REXO1: variants seen among roughly 807,000 people sequenced by gnomAD.
REXO1 encodes RNA exonuclease 1 homolog.
Under a neutral mutation model 102.6 loss-of-function variants are expected in REXO1, and 42 were observed. The ratio of observed to expected loss-of-function variants is 0.41; its 90% CI spans 0.32 to 0.53. The LOEUF (loss-of-function observed/expected upper bound fraction) is 0.53, where lower values mean the gene tolerates loss of function less well. Among genes scored for constraint, REXO1 ranks in the 20% least tolerant of loss-of-function variants. The pLI is 0.27. For missense variants in REXO1, 1,819 were observed against 1,732.5 expected (o/e 1.05, Z -0.89); for synonymous variants, 908 against 779.1 (o/e 1.17, Z -2.76).
chr19:1,832,355 C>G (rs899894446), intron 1 of REXO1, among the ~76,000 whole-genome samples: 1 of 152,188 alleles, frequency 6.6e-6, no homozygotes, highest in African/African-American at 2.4e-5. Context: ...CCCACGGGGA[C>G]GAATGCAGCC....
chr19:1,846,165 C>A (rs1256937442), intron 1 of REXO1, among the ~76,000 whole-genome samples: 1 of 152,200 alleles, frequency 6.6e-6, no homozygotes, highest in Non-Finnish European at 1.5e-5. Context: ...CTTGAGAAGA[C>A]ATGGCAAAGG....
At position 1,828,618 on chromosome 19, in the gene REXO1, G is replaced by A. The variant is rs573267718; in HGVS notation, c.171C>T (p.Asp57=). The change falls in exon 2 of 16, where the codon GAC becomes GAT. Residue 57 remains aspartate, a synonymous_variant. Transcript: ENST00000170168. ...EAPPAAGLGY[D]PYNPELPKPP... ...GCTTGGGCAGCTCAGGGTTGTAGGG[G>A]TCGTAACCCAGCCCTGAAGGGAACA... The A allele has an allele frequency of 6.9e-5, 110 of 1,599,996 alleles. No homozygotes were observed. In the South Asian group the frequency reaches 1.1e-3, roughly 16 times the overall value.
chr19:1,817,085 C>T, intron 12 of REXO1, 134 bp downstream of exon 12: 1 of 1,113,670 alleles, frequency 9.0e-7, no homozygotes, highest in Non-Finnish European at 1.3e-6. Context: ...GCAGGAGCCA[C>T]AGGCACCGGT....
At chr19:1,816,876 T>C (rs1417825287) in intron 12 of REXO1, 63 bp from the exon 13 acceptor site, 1 of 1,261,114 alleles carries the variant, frequency 7.9e-7, no homozygotes, top group South Asian at 1.2e-5. Flanking sequence ...TCCCCTTCCC[T>C]GCCCCTTTGA....
At chr19:1,823,319 C>T in intron 4 of REXO1, 1 of 390,484 alleles carries the variant, frequency 2.6e-6, no homozygotes, top group Non-Finnish European at 4.5e-6. Flanking sequence ...TCAGCCCAGT[C>T]CCCAGCAGGC....
At position 1,847,157 on chromosome 19, in the gene REXO1, T is replaced by C. The variant is rs559040109; in HGVS notation, c.157+1045A>G. Among the ~76,000 whole-genome samples the C allele has an allele frequency of 8.5e-5, 13 of 152,336 alleles. No individual in the cohort carries two copies. The South Asian group carries it at 2.7e-3, about 32-fold the overall frequency. On this transcript the variant is annotated intron_variant, in intron 1 of 15. Transcript: ENST00000170168. ...TGTGGGGAGCTGACAAGTGATTGCT[T>C]GCATCTGTCCACCTGCAAACAACCG...
At chr19:1,838,652 G>A (rs1208980300) in intron 1 of REXO1, among the ~76,000 whole-genome samples, 99 of 142,228 alleles carry the variant, frequency 7.0e-4, no homozygotes, top group African/African-American at 2.2e-3. Context: ...GTGACAGGGC[G>A]AGACTCCTTT....
rs2069561289 is a variant in REXO1 at position 1,822,065 on chromosome 19, CCT to C, written c.2231-385_2231-384del. 40 of 478,164 alleles carry C rather than the reference CCT, an allele frequency of 8.4e-5. No individual in the cohort carries two copies. In the South Asian group the frequency reaches 1.5e-3, roughly 18 times the overall value. 29.6% of individuals were successfully genotyped at this position (478,164 alleles called of 1,614,324 possible). Reference sequence around the variant, plus strand: ...TCATTGGCTTTGCCCTGCCCTGCGGCCTCTGTGTTCTGCCTTGCCCTTTGATG... The same window carrying C: ...TCATTGGCTTTGCCCTGCCCTGCGGCCTGTGTTCTGCCTTGCCCTTTGATG... On this transcript the variant is annotated intron_variant, in intron 4 of 15. Coordinates refer to ENST00000170168, the MANE Select transcript of REXO1 (RefSeq NM_020695.4).
rs1078229 is a variant in REXO1, at chr19:1,826,384, A to C, written c.1912-441T>G. On this transcript the variant is annotated intron_variant, in intron 2 of 15. Coordinates refer to ENST00000170168, the MANE Select transcript of REXO1 (RefSeq NM_020695.4). The surrounding 1 kb of genome is among the most constrained non-coding windows in gnomAD (Gnocchi z 4.3). Reference sequence around the variant, plus strand: ...AGCAAGAGCTCGCCACGCTGGGAGTAGGGAGGAGGGAGGGGAGGAGAAAGG... The same window carrying C: ...AGCAAGAGCTCGCCACGCTGGGAGTCGGGAGGAGGGAGGGGAGGAGAAAGG... 0.32 allele frequency among the ~76,000 whole-genome samples: 48,151 copies of C among 149,684 alleles called. 8,982 individuals carry two copies. Among genetic ancestry groups the C allele is most frequent in the African/African-American group, 0.51 (20,740 of 40,678 alleles).
intron 3 of REXO1, 30 bp downstream of exon 3, chr19:1,825,809 T>G (rs759024227): frequency 1.8e-5 from 19 of 1,049,204 alleles, no homozygotes; most frequent in Non-Finnish European, 2.7e-5. Flanking sequence ...AAAAAAAGGC[T>G]CCTGCTGGCC....
rs375966236 is a variant in REXO1, at chr19:1,828,023, C to T, written c.766G>A (p.Ala256Thr). ...CCGCGGGAGCCCCGGGGCCGCTTGG[C>T]GGCCCGCTCATCCCGGGAGCTGGCC... is the stretch of plus-strand genomic sequence containing the variant. ...SRASSRDERA[A>T]KRPRGSRGSE... The change falls in exon 2 of 16, where the codon GCC (alanine) becomes ACC (threonine). Residue 256 changes from alanine (A) to threonine (T), a missense_variant. Coordinates refer to ENST00000170168, the MANE Select transcript of REXO1 (RefSeq NM_020695.4). The T allele has an allele frequency of 4.3e-6, 7 of 1,612,584 alleles. No homozygotes were observed. Among genetic ancestry groups the T allele is most frequent in the African/African-American group, 2.7e-5 (2 of 75,032 alleles).
intron 1 of REXO1, among the ~76,000 whole-genome samples, chr19:1,836,052 T>A (rs575535666): frequency 1.3e-5 from 2 of 152,326 alleles, no homozygotes; most frequent in Admixed American, 1.3e-4. Flanking sequence ...ACCAGCACTA[T>A]CTGCCCAAGG....
At chr19:1,817,156 C>CCAGAT in intron 12 of REXO1, 63 bp downstream of exon 12, 3 of 1,586,556 alleles carry the variant, frequency 1.9e-6, no homozygotes, top group Admixed American at 1.7e-5. Flanking sequence ...CCAGATGGGG[C>CCAGAT]GGCCGCACCA....
chr19:1,816,046 G>C lies in REXO1; in HGVS notation c.*20C>G, dbSNP rs548857767. On this transcript the variant is annotated 3_prime_UTR_variant, in exon 16 of 16. Coordinates refer to ENST00000170168, the MANE Select transcript of REXO1 (RefSeq NM_020695.4). ...GGACCAGCGGGACGGCAGGAGAGGCGGGTGGGAGGCGGGCAGGCGTCATCG... is the reference window on the plus strand; with the variant it reads ...GGACCAGCGGGACGGCAGGAGAGGCCGGTGGGAGGCGGGCAGGCGTCATCG... The C allele has an allele frequency of 1.3e-6, 2 of 1,540,654 alleles. No individual in the cohort carries two copies. Among genetic ancestry groups the C allele is most frequent in the Non-Finnish European group, 1.7e-6 (2 of 1,147,060 alleles).
chr19:1,841,823 T>C (rs1454740639), intron 1 of REXO1, among the ~76,000 whole-genome samples: 1 of 151,986 alleles, frequency 6.6e-6, no homozygotes, highest in African/African-American at 2.4e-5. Context: ...CTGCTCTGCC[T>C]CTCCCATCTC....
At chr19:1,825,507 G>A (rs2069688726) in intron 3 of REXO1, among the ~76,000 whole-genome samples, 1 of 149,602 alleles carries the variant, frequency 6.7e-6, no homozygotes, top group Admixed American at 6.7e-5. Context: ...ACAGAGTCTT[G>A]CTCTATCACC....
intron 1 of REXO1, among the ~76,000 whole-genome samples, chr19:1,837,292 G>A (rs941912602): frequency 7.9e-5 from 12 of 152,150 alleles, no homozygotes; most frequent in African/African-American, 2.9e-4. Context: ...CCTGCTCCTG[G>A]GGCCTCCCCT....
chr19:1,834,697 A>G (rs2069991365), intron 1 of REXO1, among the ~76,000 whole-genome samples: 1 of 152,108 alleles, frequency 6.6e-6, no homozygotes, highest in African/African-American at 2.4e-5. Context: ...CTTGTCTTTT[A>G]AGGGCTGTGA....
In REXO1 at chr19:1,848,327, A is replaced by C; in HGVS notation, c.32T>G (p.Ile11Ser). Residue 11 changes from isoleucine to serine, a missense_variant, in exon 1 of 16, where the codon ATT becomes AGT. Ile to Ser is a moderately radical substitution (Grantham distance 142). Coordinates refer to ENST00000170168, the MANE Select transcript of REXO1 (RefSeq NM_020695.4). MLRSTGFFRA[I>S]DCPYWSGAPG... ...CGCCCCAGACCAATAGGGGCAGTCAATGGCCCGGAAGAAGCCAGTGGAGCG... is the reference window on the plus strand; with the variant it reads ...CGCCCCAGACCAATAGGGGCAGTCACTGGCCCGGAAGAAGCCAGTGGAGCG... 8.2e-7 allele frequency: 1 copy of C among 1,224,764 alleles called. No individual in the cohort carries two copies. Among genetic ancestry groups the C allele is most frequent in the Non-Finnish European group, 1.0e-6 (1 of 976,360 alleles). The allele number at this position is 1,224,764 out of a possible 1,614,324, so 75.9% of individuals were successfully genotyped here. A position where few individuals can be genotyped will look rare whatever the true frequency, so the allele number is the denominator to read the frequency against.
Sources: gnomAD v4.1 joint callset for allele counts (sites outside exome capture counted in the v4.1 genomes callset) on GRCh38, gnomAD v4.1.1 for gene constraint, Gnocchi (gnomAD v3.1) non-coding constraint, MANE v1.5 for transcripts, NCBI Gene and HGNC (gene_info 2026-07-23, HGNC 2026-07-21) for gene names.